GAB1: variants seen among roughly 807,000 people sequenced by gnomAD.
GAB1 encodes GRB2-associated-binding protein 1.
A neutral mutation model predicts 66.5 loss-of-function variants in GAB1; 19 were observed. That is an observed-to-expected ratio of 0.29 (90% CI 0.20 to 0.42). The LOEUF is 0.42. GAB1 is among the 10% of genes least tolerant of loss of function. The probability of loss-of-function intolerance (pLI) is 1.00; values close to 1 mark genes in which losing one functional copy is unlikely to be tolerated. For synonymous variants in GAB1, 294 were observed against 301.4 expected, an observed-to-expected ratio of 0.98 and a Z score of 0.25; for missense variants, 732 against 858.5, an observed-to-expected ratio of 0.85 and a Z score of 1.84.
chr4:143,439,856 C>A lies in GAB1; in HGVS notation c.1250C>A (p.Ser417Tyr). The stretch of plus-strand genomic sequence containing the variant: ...CCACGAGCATTTCCAAGTGATAGAT[C>A]TAGTTCACTTGAAGGCTTCCATAAC... ...DIPRAFPSDR[S>Y]SSLEGFHNHF... The change falls in exon 5 of 10, where the codon TCT becomes TAT. Residue 417 changes from serine (S) to tyrosine (Y), a missense_variant. Coordinates refer to ENST00000262994, the MANE Select transcript of GAB1 (RefSeq NM_002039.4). The A allele has an allele frequency of 6.2e-7, 1 of 1,613,014 alleles. No homozygotes were observed. Among genetic ancestry groups the A allele is most frequent in the Middle Eastern group, 1.7e-4 (1 of 6,054 alleles).
intron 1 of GAB1, among the ~76,000 whole-genome samples, chr4:143,375,635 T>C (rs139680730): frequency 6.6e-6 from 1 of 152,350 alleles, no homozygotes; most frequent in East Asian, 1.9e-4. Flanking sequence ...TCTCTTCAGC[T>C]ACCTGTTTAG....
intron 6 of GAB1, among the ~76,000 whole-genome samples, chr4:143,444,336 A>G (rs1734395151): frequency 6.6e-6 from 1 of 152,158 alleles, no homozygotes; most frequent in South Asian, 2.1e-4. Flanking sequence ...CCTTTCTGCA[A>G]CAGTCTGAAC....
intron 1 of GAB1, among the ~76,000 whole-genome samples, chr4:143,392,641 A>C (rs1731238123): frequency 6.6e-6 from 1 of 152,216 alleles, no homozygotes. Context: ...TGAATTCCTC[A>C]GGAGTCCTAA....
chr4:143,450,300 T>G (rs1734846746), intron 6 of GAB1, among the ~76,000 whole-genome samples: 1 of 152,234 alleles, frequency 6.6e-6, no homozygotes, highest in South Asian at 2.1e-4. Context: ...TTACTTTTAC[T>G]CTTTCTTGAT....
At chr4:143,399,025 A>G (rs1310322905) in intron 1 of GAB1, among the ~76,000 whole-genome samples, 1 of 152,220 alleles carries the variant, frequency 6.6e-6, no homozygotes, top group Non-Finnish European at 1.5e-5. Flanking sequence ...TCACACAGCC[A>G]TACCTGCCAT....
chr4:143,448,142 A>T (rs1480554491), intron 6 of GAB1, among the ~76,000 whole-genome samples: 1 of 151,894 alleles, frequency 6.6e-6, no homozygotes, highest in African/African-American at 2.4e-5. Flanking sequence ...GATGAAGCCC[A>T]CTTGATCATG....
chr4:143,348,080 T>C (rs540183061), intron 1 of GAB1, among the ~76,000 whole-genome samples: 28 of 152,328 alleles, frequency 1.8e-4, no homozygotes, highest in African/African-American at 6.7e-4. Flanking sequence ...TAGTTGGTTC[T>C]TCATCTGTTG....
intron 2 of GAB1, among the ~76,000 whole-genome samples, chr4:143,423,365 A>G (rs1733123873): frequency 6.6e-6 from 1 of 152,128 alleles, no homozygotes; most frequent in African/African-American, 2.4e-5. Flanking sequence ...GCTAGCAAAC[A>G]TAATGAAAGT....
At chr4:143,413,876 G>T (rs541591952) in intron 1 of GAB1, among the ~76,000 whole-genome samples, 50 of 130,920 alleles carry the variant, frequency 3.8e-4, no homozygotes, top group Admixed American at 1.2e-3. Flanking sequence ...TGTCCAGGCT[G>T]GAGCGCAGTG....
At chr4:143,373,857 G>GTAAATAAATAAATAAATAAA in intron 1 of GAB1, among the ~76,000 whole-genome samples, 1 of 53,864 alleles carries the variant, frequency 1.9e-5, no homozygotes, top group African/African-American at 1.0e-4. Context: ...CTCTCTCTCT[G>GTAAATAAATAAATAAATAAA]TAAATAAATA....
intron 1 of GAB1, among the ~76,000 whole-genome samples, chr4:143,351,754 G>C (rs532232405): frequency 6.6e-6 from 1 of 152,310 alleles, no homozygotes; most frequent in South Asian, 2.1e-4. Context: ...GCTACAGCTG[G>C]AGGGAGGAAT....
intron 6 of GAB1, among the ~76,000 whole-genome samples, chr4:143,451,054 A>G (rs1417504583): frequency 6.6e-6 from 1 of 152,182 alleles, no homozygotes; most frequent in African/African-American, 2.4e-5. Context: ...GAAGAAGCTC[A>G]CCGTCCAGGA....
chr4:143,451,928 T>G (rs964457466), intron 6 of GAB1, among the ~76,000 whole-genome samples: 1 of 152,132 alleles, frequency 6.6e-6, no homozygotes, highest in African/African-American at 2.4e-5. Context: ...AAACAATTTT[T>G]TATTTTCTGG....
chr4:143,430,517 A>C (rs781267834), intron 2 of GAB1, among the ~76,000 whole-genome samples: 7 of 152,342 alleles, frequency 4.6e-5, no homozygotes, highest in Middle Eastern at 3.4e-3. Context: ...AGCATCCAGA[A>C]AGCCAGGTGT....
intron 1 of GAB1, among the ~76,000 whole-genome samples, chr4:143,397,638 A>C (rs1731518112): frequency 6.6e-6 from 1 of 152,218 alleles, no homozygotes; most frequent in African/African-American, 2.4e-5. Context: ...TAAGAAAACA[A>C]ATTATTTGAG....
chr4:143,446,989 A>C (rs1018860688), intron 6 of GAB1, among the ~76,000 whole-genome samples: 3 of 152,076 alleles, frequency 2.0e-5, no homozygotes, highest in African/African-American at 7.2e-5. Flanking sequence ...TAAGGAAGGG[A>C]TCCAGTTTCA....
chr4:143,422,360 T>G (rs1340231169), intron 2 of GAB1, among the ~76,000 whole-genome samples: 1 of 152,178 alleles, frequency 6.6e-6, no homozygotes. Context: ...TCAGTAGATA[T>G]AGCCCATCTT....
intron 1 of GAB1, among the ~76,000 whole-genome samples, chr4:143,367,317 C>T (rs1729923459): frequency 6.6e-6 from 1 of 152,112 alleles, no homozygotes. Flanking sequence ...TTGAAATGGA[C>T]CCAATATCTG....
intron 1 of GAB1, among the ~76,000 whole-genome samples, chr4:143,340,037 A>C (rs1469443976): frequency 6.6e-6 from 1 of 152,168 alleles, no homozygotes. Flanking sequence ...TTTAACTGTC[A>C]GGTTAAATAA....
Sources: gnomAD v4.1 joint callset for allele counts (sites outside exome capture counted in the v4.1 genomes callset) on GRCh38, gnomAD v4.1.1 for gene constraint, MANE v1.5 for transcripts, NCBI Gene and HGNC (gene_info 2026-07-23, HGNC 2026-07-21) for gene names.